The following FLT1 variants were observed in gnomAD, a reference collection of about 807,000 sequenced individuals.
FLT1 encodes the protein fms related receptor tyrosine kinase 1.
FLT1 carries 49 observed loss-of-function variants against 156.3 expected under a neutral mutation model. That is an observed-to-expected ratio of 0.31 (90% CI 0.25 to 0.40). FLT1 has a LOEUF of 0.40. Ranked by LOEUF, FLT1 falls within the 10% of genes least tolerant of loss-of-function variation. The pLI is 1.00. For synonymous variants in FLT1, 594 were observed against 583.8 expected (o/e 1.02, Z -0.25); for missense variants, 1,322 against 1,637.2 (o/e 0.81, Z 3.32).
chr13:28,365,649 G>A (rs867510318), intron 14 of FLT1, among the ~76,000 whole-genome samples: 1 of 152,288 alleles, frequency 6.6e-6, no homozygotes, highest in South Asian at 2.1e-4. Context: ...ACCGTGCTCA[G>A]CCAGAACTCA....
At chr13:28,453,160 G>A (rs919716004) in intron 3 of FLT1, among the ~76,000 whole-genome samples, 2 of 136,418 alleles carry the variant, frequency 1.5e-5, no homozygotes, top group Non-Finnish European at 3.1e-5. Flanking sequence ...TTTCACTCTT[G>A]TTGCCCAGGC....
intron 1 of FLT1, among the ~76,000 whole-genome samples, chr13:28,484,221 T>C (rs1881016304): frequency 6.6e-6 from 1 of 152,234 alleles, no homozygotes; most frequent in South Asian, 2.1e-4. Flanking sequence ...CAGGTCGTTC[T>C]GTGAGGTATT....
intron 29 of FLT1, among the ~76,000 whole-genome samples, chr13:28,304,991 A>T (rs2138804446): frequency 6.6e-6 from 1 of 152,318 alleles, no homozygotes; most frequent in South Asian, 2.1e-4. Context: ...TGCTATGAAC[A>T]TCTGTGTGCA....
intron 1 of FLT1, among the ~76,000 whole-genome samples, chr13:28,480,041 A>G (rs1275277114): frequency 6.6e-6 from 1 of 152,168 alleles, no homozygotes; most frequent in Non-Finnish European, 1.5e-5. Flanking sequence ...TGCTCCCATG[A>G]AATTAAGCCA....
rs2137459918 is a variant in FLT1 at position 28,390,112 on chromosome 13, A to G, written c.1661-8T>C. On this transcript the variant is annotated splice_polypyrimidine_tract_variant and splice_region_variant and intron_variant, in intron 12 of 29. Transcript: ENST00000282397. Reference sequence around the variant, plus strand: ...GAAACCCATTTGGCACATCTATAAAATAAGAATAAAGAACTTCAGTTCACA... The same window carrying G: ...GAAACCCATTTGGCACATCTATAAAGTAAGAATAAAGAACTTCAGTTCACA... 6.2e-7 allele frequency: 1 copy of G among 1,611,582 alleles called. No homozygotes were observed. Among genetic ancestry groups the G allele is most frequent in the South Asian group, 1.1e-5 (1 of 91,012 alleles).
chr13:28,451,389 C>T (rs1476465511), intron 3 of FLT1, among the ~76,000 whole-genome samples: 8 of 152,244 alleles, frequency 5.3e-5, no homozygotes, highest in Non-Finnish European at 1.2e-4. Flanking sequence ...TGCCACTGCC[C>T]TCCAGCCCGG....
chr13:28,339,125 G>A (rs201962987), intron 17 of FLT1, 43 bp downstream of exon 17: 28 of 1,585,944 alleles, frequency 1.8e-5, no homozygotes, highest in East Asian at 6.7e-5. Flanking sequence ...CATGTAATAT[G>A]TGCTCAGTAT....
intron 16 of FLT1, among the ~76,000 whole-genome samples, chr13:28,344,382 C>T (rs1566296007): frequency 6.6e-6 from 1 of 152,294 alleles, no homozygotes; most frequent in Non-Finnish European, 1.5e-5. Context: ...AACCTTGACA[C>T]TCCTCCTACA....
chr13:28,447,271 C>G (rs966547895), intron 3 of FLT1, among the ~76,000 whole-genome samples: 1 of 151,548 alleles, frequency 6.6e-6, no homozygotes, highest in African/African-American at 2.4e-5. Context: ...TTCAACATCC[C>G]AGGCGCAAGT....
intron 11 of FLT1, chr13:28,399,017 G>A: frequency 2.7e-6 from 4 of 1,485,980 alleles, no homozygotes; most frequent in Non-Finnish European, 3.7e-6. Flanking sequence ...CCATTTCCTT[G>A]TAATTGTTGT....
Position 28,322,523 on chromosome 13 carries a change from A to C in FLT1, c.2954-164T>G. 1 of 725,406 alleles carries C rather than the reference A, an allele frequency of 1.4e-6. No homozygotes were observed. Among genetic ancestry groups the C allele is most frequent in the East Asian group, 2.7e-5 (1 of 37,330 alleles). 44.9% of individuals were successfully genotyped at this position (725,406 alleles called of 1,614,324 possible). Reference sequence around the variant, plus strand: ...CAACATGAACACCAGAGATTTTTCCAGGCCTCCAGCCCACTTTATCCAAGC... The same window carrying C: ...CAACATGAACACCAGAGATTTTTCCCGGCCTCCAGCCCACTTTATCCAAGC... On this transcript the variant is annotated intron_variant, in intron 21 of 29. Coordinates refer to ENST00000282397, the MANE Select transcript of FLT1 (RefSeq NM_002019.4). The surrounding 1 kb of genome is among the most constrained non-coding windows in gnomAD (Gnocchi z 4.3).
intron 25 of FLT1, among the ~76,000 whole-genome samples, chr13:28,316,513 A>G (rs1456524606): frequency 4.6e-5 from 7 of 152,208 alleles, no homozygotes; most frequent in Admixed American, 2.0e-4. Flanking sequence ...AAGCCCCAGG[A>G]AAAAAAGTGT....
chr13:28,370,181 C>A (rs1593715682), intron 14 of FLT1, among the ~76,000 whole-genome samples: 2 of 151,026 alleles, frequency 1.3e-5, no homozygotes, highest in African/African-American at 4.9e-5. Flanking sequence ...AAGACCCTGT[C>A]TCAAAAAGAA....
At chr13:28,404,054 AAAAG>A (rs543480023) in intron 11 of FLT1, among the ~76,000 whole-genome samples, 99 of 151,488 alleles carry the variant, frequency 6.5e-4, no homozygotes, top group African/African-American at 2.2e-3. Flanking sequence ...AAAAAAAAAA[AAAAG>A]AAAGAAAGAA....
chr13:28,464,923 T>C (rs1448835074), intron 3 of FLT1, among the ~76,000 whole-genome samples: 2 of 152,228 alleles, frequency 1.3e-5, no homozygotes, highest in Non-Finnish European at 2.9e-5. Context: ...GAAAGTTTTA[T>C]GAAAATATTA....
chr13:28,385,975 C>T (rs1298189986), intron 13 of FLT1: 2 of 1,050,780 alleles, frequency 1.9e-6, no homozygotes, highest in African/African-American at 3.3e-5. Flanking sequence ...CTCCTAATGT[C>T]TTTCCCACCC....
intron 19 of FLT1, 139 bp downstream of exon 19, chr13:28,329,475 GT>G (rs1425825612): frequency 1.4e-6 from 1 of 695,844 alleles, no homozygotes; most frequent in Non-Finnish European, 2.6e-6. Context: ...TGCACAAGCT[GT>G]TTCTTCTAGA....
chr13:28,308,480 G>A (rs1020272013), intron 28 of FLT1: 19 of 333,900 alleles, frequency 5.7e-5, no homozygotes, highest in Admixed American at 3.2e-4. Flanking sequence ...TTGCAGGAAC[G>A]CGCTCTCTGT....
At chr13:28,451,895 G>A (rs1479872112) in intron 3 of FLT1, among the ~76,000 whole-genome samples, 1 of 152,210 alleles carries the variant, frequency 6.6e-6, no homozygotes, top group Non-Finnish European at 1.5e-5. Flanking sequence ...AGGTGGGACA[G>A]GAGGTGTTGT....
Sources: gnomAD v4.1 joint callset for allele counts (sites outside exome capture counted in the v4.1 genomes callset) on GRCh38, gnomAD v4.1.1 for gene constraint, Gnocchi (gnomAD v3.1) non-coding constraint, MANE v1.5 for transcripts, NCBI Gene and HGNC (gene_info 2026-07-23, HGNC 2026-07-21) for gene names.